LSAMP: variants seen among roughly 807,000 people sequenced by gnomAD.
LSAMP encodes limbic system associated membrane protein, also known as limbic system-associated membrane protein.
In LSAMP, 7 loss-of-function variants were observed where a neutral mutation model predicts 38.6. The ratio of observed to expected loss-of-function variants is 0.18; its 90% CI spans 0.10 to 0.34. The LOEUF (loss-of-function observed/expected upper bound fraction) is 0.34. Among genes scored for constraint, LSAMP ranks in the 10% least tolerant of loss-of-function variants. The pLI, the probability that LSAMP is intolerant of heterozygous loss-of-function variation, is 1.00. For missense variants in LSAMP, 313 were observed against 420.0 expected (o/e 0.75, Z 2.23); for synonymous variants, 154 against 166.8 (o/e 0.92, Z 0.59).
intron 1 of LSAMP, among the ~76,000 whole-genome samples, chr3:116,180,922 T>G (rs1710470934): frequency 6.6e-6 from 1 of 152,140 alleles, no homozygotes; most frequent in Admixed American, 6.6e-5. Flanking sequence ...TGAATATGAT[T>G]TGTAGAATAT....
chr3:116,316,982 G>C (rs1318557894), intron 1 of LSAMP, among the ~76,000 whole-genome samples: 1 of 152,114 alleles, frequency 6.6e-6, no homozygotes, highest in African/African-American at 2.4e-5. Flanking sequence ...AAGCCAGCTG[G>C]ATTTCCCGGC....
intron 1 of LSAMP, among the ~76,000 whole-genome samples, chr3:116,334,444 G>A (rs1292148322): frequency 1.3e-5 from 2 of 152,006 alleles, no homozygotes; most frequent in African/African-American, 4.8e-5. Flanking sequence ...GCAAGGAAAT[G>A]AAACAAAAGA....
At chr3:115,842,019 G>A in intron 5 of LSAMP, 26 bp from the exon 6 acceptor site, 1 of 1,595,474 alleles carries the variant, frequency 6.3e-7, no homozygotes. Context: ...CAGAAGAATA[G>A]AAAGGATCAC....
chr3:116,307,034 T>A (rs2047493525), intron 1 of LSAMP, among the ~76,000 whole-genome samples: 1 of 152,026 alleles, frequency 6.6e-6, no homozygotes, highest in East Asian at 1.9e-4. Flanking sequence ...TTTCCAGGTT[T>A]GTTCCTTAAA....
chr3:115,902,492 A>T (rs1559873788), intron 3 of LSAMP, among the ~76,000 whole-genome samples: 3 of 125,022 alleles, frequency 2.4e-5, no homozygotes, highest in Non-Finnish European at 5.1e-5. Flanking sequence ...GCAAAAGTTG[A>T]CAAATGGATC....
At chr3:115,971,057 T>C (rs1199027421) in intron 3 of LSAMP, among the ~76,000 whole-genome samples, 2 of 152,088 alleles carry the variant, frequency 1.3e-5, no homozygotes, top group African/African-American at 4.8e-5. Flanking sequence ...GGCGAGAAAG[T>C]TCAAGTGCTG....
At chr3:116,085,714 T>A (rs970942706) in intron 2 of LSAMP, among the ~76,000 whole-genome samples, 4 of 152,190 alleles carry the variant, frequency 2.6e-5, no homozygotes, top group Non-Finnish European at 5.9e-5. Context: ...AGATGTGCCC[T>A]TAGATCCCCC....
At chr3:116,181,908 A>G (rs944207799) in intron 1 of LSAMP, among the ~76,000 whole-genome samples, 2 of 152,018 alleles carry the variant, frequency 1.3e-5, no homozygotes, top group African/African-American at 4.8e-5. Context: ...ATATTTTGAT[A>G]AAGATCACCC....
At chr3:116,232,363 A>G (rs1035571833) in intron 1 of LSAMP, among the ~76,000 whole-genome samples, 8 of 152,216 alleles carry the variant, frequency 5.3e-5, no homozygotes, top group African/African-American at 1.9e-4. Flanking sequence ...ACGGATTATA[A>G]AATTAGATTT....
intron 1 of LSAMP, among the ~76,000 whole-genome samples, chr3:116,416,723 T>C (rs1231528461): frequency 3.9e-5 from 6 of 152,152 alleles, no homozygotes; most frequent in African/African-American, 1.4e-4. Context: ...CTTATCACAT[T>C]GCTGTTTTGT....
intron 1 of LSAMP, among the ~76,000 whole-genome samples, chr3:116,238,500 A>G (rs1453211007): frequency 2.6e-5 from 4 of 152,222 alleles, no homozygotes; most frequent in South Asian, 2.1e-4. Flanking sequence ...GACTAGGCAG[A>G]CAGCACATTT....
At chr3:116,164,760 A>ATATATATTTTT (rs374542146) in intron 1 of LSAMP, among the ~76,000 whole-genome samples, 1 of 91,642 alleles carries the variant, frequency 1.1e-5, no homozygotes, top group Non-Finnish European at 2.0e-5. Flanking sequence ...ATATATATAT[A>ATATATATTTTT]TTTTTTTTTT....
At position 116,104,535 on chromosome 3, in the gene LSAMP, C is replaced by T. The variant is rs571005112; in HGVS notation, c.156-17979G>A. 2.6e-5 allele frequency among the ~76,000 whole-genome samples: 4 copies of T among 152,260 alleles called. No individual in the cohort carries two copies. The East Asian group carries it at 7.7e-4, about 29-fold the overall frequency. On this transcript the variant is annotated intron_variant, in intron 1 of 6. Transcript: ENST00000490035. ...AGAAAGATTTGAAGAGATTAACAAC[C>T]TTGCACCAAATATTAACTGACCCTT...
At chr3:115,857,232 A>G (rs1935535436) in intron 3 of LSAMP, among the ~76,000 whole-genome samples, 2 of 152,210 alleles carry the variant, frequency 1.3e-5, no homozygotes, top group Non-Finnish European at 1.5e-5. Context: ...CTGAATCTTG[A>G]GTCACAAAAT....
At chr3:115,997,818 A>ATATGTATTTTATATATTAGAATATATAT (rs1339877694) in intron 3 of LSAMP, among the ~76,000 whole-genome samples, 30 of 145,104 alleles carry the variant, frequency 2.1e-4, no homozygotes, top group Non-Finnish European at 4.1e-4. Context: ...ATATACTAAT[A>ATATGTATTTTATATATTAGAATATATAT]TATGTATTTT....
chr3:115,837,484 A>G (rs2107495453), intron 6 of LSAMP, among the ~76,000 whole-genome samples: 1 of 152,260 alleles, frequency 6.6e-6, no homozygotes, highest in South Asian at 2.1e-4. Context: ...CTAGGCTGGA[A>G]TATTCACTGA....
chr3:116,008,079 C>T (rs898601924), intron 3 of LSAMP, among the ~76,000 whole-genome samples: 1 of 152,160 alleles, frequency 6.6e-6, no homozygotes, highest in East Asian at 1.9e-4. Flanking sequence ...TACTATCTAA[C>T]CAAAATGATT....
At chr3:116,044,970 C>T (rs1042938784) in intron 2 of LSAMP, among the ~76,000 whole-genome samples, 2 of 152,156 alleles carry the variant, frequency 1.3e-5, no homozygotes, top group Admixed American at 1.3e-4. Context: ...CAAAAAAACC[C>T]AGGCTGCCAT....
chr3:116,356,562 A>G (rs2048225990), intron 1 of LSAMP, among the ~76,000 whole-genome samples: 1 of 152,236 alleles, frequency 6.6e-6, no homozygotes. Context: ...TCTGTTGTAC[A>G]TTTTAGAATA....
Sources: allele counts gnomAD v4.1 joint callset (sites outside exome capture counted in the v4.1 genomes callset), GRCh38; gene constraint gnomAD v4.1.1; transcripts MANE v1.5; gene names NCBI Gene and HGNC (gene_info 2026-07-23, HGNC 2026-07-21).